Variants in CACNG5 observed in about 807,000 individuals in gnomAD.
CACNG5 encodes the protein calcium voltage-gated channel auxiliary subunit gamma 5, also known as voltage-dependent calcium channel gamma-5 subunit.
In CACNG5, 18 loss-of-function variants were observed where a neutral mutation model predicts 24.8. That is an observed-to-expected ratio of 0.73 (90% CI 0.50 to 1.08). The LOEUF (loss-of-function observed/expected upper bound fraction) is 1.08. CACNG5 is among the 50% of genes least tolerant of loss of function. The pLI is 0.00. For missense variants in CACNG5, 349 were observed against 367.9 expected (o/e 0.95, Z 0.42); for synonymous variants, 157 against 149.1 (o/e 1.05, Z -0.39).
chr17:66,862,938 G>C (rs952305925), intron 1 of CACNG5, among the ~76,000 whole-genome samples: 11 of 146,366 alleles, frequency 7.5e-5, no homozygotes, highest in African/African-American at 2.5e-4. Flanking sequence ...GTGTGTGTGT[G>C]TCTCAGTCTC....
At chr17:66,842,449 C>G (rs55881704) in intron 1 of CACNG5, among the ~76,000 whole-genome samples, 8,484 of 152,258 alleles carry the variant, frequency 0.056, 301 homozygotes, top group East Asian at 0.083. Flanking sequence ...CACAGCTACC[C>G]ACTTAATAAG....
At chr17:66,864,222 C>T (rs73994652) in intron 1 of CACNG5, among the ~76,000 whole-genome samples, 11,006 of 152,164 alleles carry the variant, frequency 0.072, 692 homozygotes, top group African/African-American at 0.17. Flanking sequence ...TTTGTGAAGG[C>T]GGATCTATTA....
intron 1 of CACNG5, among the ~76,000 whole-genome samples, chr17:66,845,465 A>C (rs1207278521): frequency 2.0e-5 from 3 of 151,622 alleles, no homozygotes; most frequent in African/African-American, 7.3e-5. Context: ...AAAATTTAAA[A>C]AAAAAAAACA....
intron 4 of CACNG5, among the ~76,000 whole-genome samples, chr17:66,881,120 A>C (rs763983307): frequency 2.6e-4 from 40 of 152,200 alleles, no homozygotes; most frequent in Non-Finnish European, 5.1e-4. Context: ...TCAGTTATTC[A>C]GACAGAATTG....
intron 1 of CACNG5, among the ~76,000 whole-genome samples, chr17:66,872,716 A>G (rs1372905299): frequency 1.3e-5 from 2 of 152,122 alleles, no homozygotes; most frequent in East Asian, 3.9e-4. Context: ...GCTTTGAGGA[A>G]AGTATTAGTC....
rs1468927416 is a variant in CACNG5, at chr17:66,885,921, T to C, written c.*681T>C. ...CTGGCACTAAGGGACTAAGGGTGGC[T>C]CTGAGGCCACACTGATGAAGTCACA... is the stretch of plus-strand genomic sequence containing the variant. On this transcript the variant is annotated 3_prime_UTR_variant, in exon 6 of 6. Coordinates refer to ENST00000533854, the MANE Select transcript of CACNG5 (RefSeq NM_145811.3). Among the ~76,000 whole-genome samples the C allele has an allele frequency of 6.6e-6, 1 of 152,200 alleles. No homozygotes were observed. The highest frequency in any genetic ancestry group is 1.5e-5 in the Non-Finnish European group (1 of 68,038).
At position 66,892,478 on chromosome 17, in the gene CACNG5, C is replaced by T. The variant is rs891565562; in HGVS notation, c.*7238C>T. 1.3e-5 allele frequency among the ~76,000 whole-genome samples: 2 copies of T among 152,242 alleles called. No individual in the cohort carries two copies. The highest frequency in any genetic ancestry group is 1.9e-4 in the East Asian group (1 of 5,200). On this transcript the variant is annotated 3_prime_UTR_variant, in exon 6 of 6. Coordinates refer to ENST00000533854, the MANE Select transcript of CACNG5 (RefSeq NM_145811.3). ...TCTCATAGTCTCGGGCTCTGACTAT[C>T]AAGTTCAGGTCAATCTTCATCACTG...
At chr17:66,857,065 GTTTT>G (rs56153121) in intron 1 of CACNG5, among the ~76,000 whole-genome samples, 1 of 94,004 alleles carries the variant, frequency 1.1e-5, no homozygotes, top group Non-Finnish European at 2.0e-5. Flanking sequence ...CAATTTTTAA[GTTTT>G]TTTTTTTTTT....
intron 4 of CACNG5, among the ~76,000 whole-genome samples, chr17:66,881,552 A>T (rs1189606661): frequency 1.3e-5 from 2 of 152,008 alleles, no homozygotes; most frequent in Non-Finnish European, 2.9e-5. Flanking sequence ...TCTTCTTTTT[A>T]TTCATTGATG....
intron 4 of CACNG5, 139 bp downstream of exon 4, chr17:66,880,836 G>C (rs141748550): frequency 5.8e-6 from 5 of 867,062 alleles, no homozygotes; most frequent in Middle Eastern, 3.0e-4. Flanking sequence ...CCACCTCCCG[G>C]ATTCAAGCAA....
intron 1 of CACNG5, among the ~76,000 whole-genome samples, chr17:66,863,677 A>G (rs35586153): frequency 0.21 from 31,439 of 152,036 alleles, 4,348 homozygotes; most frequent in East Asian, 0.58. Flanking sequence ...TACACTCACT[A>G]TTTATTGAGA....
chr17:66,858,148 C>T (rs1438056180), intron 1 of CACNG5, among the ~76,000 whole-genome samples: 1 of 152,130 alleles, frequency 6.6e-6, no homozygotes, highest in African/African-American at 2.4e-5. Flanking sequence ...CAACATCCTG[C>T]ACCTCCCCGG....
intron 1 of CACNG5, among the ~76,000 whole-genome samples, chr17:66,868,177 G>T (rs945351420): frequency 6.6e-6 from 1 of 152,090 alleles, no homozygotes; most frequent in African/African-American, 2.4e-5. Context: ...ACCCTTGCTG[G>T]GTGCCTGTCA....
intron 2 of CACNG5, 30 bp from the exon 3 acceptor site, chr17:66,878,942 G>T (rs1195314730): frequency 1.9e-6 from 3 of 1,546,422 alleles, no homozygotes; most frequent in Non-Finnish European, 2.7e-6. Flanking sequence ...GTTCAAGAGG[G>T]ACCTGGAAAT....
chr17:66,847,763 G>A (rs1170610834), intron 1 of CACNG5, among the ~76,000 whole-genome samples: 2 of 152,122 alleles, frequency 1.3e-5, no homozygotes, highest in Admixed American at 1.3e-4. Context: ...CTCAAAATAG[G>A]TATCTCTTCC....
intron 3 of CACNG5, among the ~76,000 whole-genome samples, chr17:66,880,142 G>A (rs1030495215): frequency 1.2e-4 from 19 of 152,188 alleles, no homozygotes; most frequent in African/African-American, 4.3e-4. Flanking sequence ...ACTGTCCCCT[G>A]CACCATTCAG....
Position 66,885,115 on chromosome 17 carries a change from G to T in CACNG5, c.703G>T (p.Asp235Tyr), listed in dbSNP as rs1160516670. 48 of 1,614,146 alleles carry T rather than the reference G, an allele frequency of 3.0e-5. No individual in the cohort carries two copies. Among genetic ancestry groups the T allele is most frequent in the Non-Finnish European group, 4.0e-5 (47 of 1,180,034 alleles). The change falls in exon 6 of 6, where the codon GAC (aspartate) becomes TAC (tyrosine). Residue 235 changes from aspartate (D) to tyrosine (Y), a missense_variant. Coordinates refer to ENST00000533854, the MANE Select transcript of CACNG5 (RefSeq NM_145811.3). ...TTACTCAGGCCAGTTCCTACACCCA[G>T]ACGCCTGGGTCAGGGGCCGCAGCCC... ...SDYSGQFLHP[D>Y]AWVRGRSPSD... is the part of the protein sequence containing the mutation.
At chr17:66,867,191 G>A (rs149990196) in intron 1 of CACNG5, among the ~76,000 whole-genome samples, 1,775 of 152,128 alleles carry the variant, frequency 0.012, 20 homozygotes, top group Non-Finnish European at 0.019. Context: ...ATCTCATTGT[G>A]GTTTTGATTT....
chr17:66,877,080 A>G (rs369870789), intron 1 of CACNG5, 150 bp from the exon 2 acceptor site: 2 of 461,420 alleles, frequency 4.3e-6, no homozygotes, highest in East Asian at 3.6e-5. Context: ...CATGCCAAGA[A>G]CGCTCTGAAT....
Sources: gnomAD v4.1 joint callset for allele counts (sites outside exome capture counted in the v4.1 genomes callset) on GRCh38, gnomAD v4.1.1 for gene constraint, MANE v1.5 for transcripts, NCBI Gene and HGNC (gene_info 2026-07-23, HGNC 2026-07-21) for gene names.